Variants in CD84 observed in about 807,000 individuals in gnomAD.
CD84 encodes CD84 molecule, also known as SLAM family member 5.
In CD84, 22 loss-of-function variants were observed where a neutral mutation model predicts 33.8. The observed-to-expected ratio is 0.65, with a 90% confidence interval of 0.46 to 0.93. The LOEUF (loss-of-function observed/expected upper bound fraction) is 0.93, where lower values mean the gene tolerates loss of function less well. Ranked by LOEUF, CD84 falls within the 40% of genes least tolerant of loss-of-function variation. CD84 has a pLI of 0.00. For synonymous variants in CD84, 154 were observed against 145.2 expected, an observed-to-expected ratio of 1.06 and a Z score of -0.44; for missense variants, 400 against 397.6, an observed-to-expected ratio of 1.01 and a Z score of -0.05.
At chr1:160,548,958 T>C (rs1477779167) in intron 6 of CD84, among the ~76,000 whole-genome samples, 1 of 152,200 alleles carries the variant, frequency 6.6e-6, no homozygotes. Context: ...GGCACAAATA[T>C]GCTGGGCACC....
chr1:160,568,532 G>A (rs1482730839), intron 1 of CD84, among the ~76,000 whole-genome samples: 1 of 152,194 alleles, frequency 6.6e-6, no homozygotes, highest in Non-Finnish European at 1.5e-5. Context: ...GCATGCAGTG[G>A]AAAGATAGGG....
chr1:160,548,812 C>A (rs1655994198), intron 6 of CD84, among the ~76,000 whole-genome samples: 1 of 152,042 alleles, frequency 6.6e-6, no homozygotes, highest in African/African-American at 2.4e-5. Flanking sequence ...AAATACTGAC[C>A]CAATAATTGT....
At chr1:160,571,518 T>A (rs1998651) in intron 1 of CD84, 1 of 151,966 alleles carries the variant, frequency 6.6e-6, no homozygotes, top group Non-Finnish European at 1.5e-5. Context: ...GACAACTCGA[T>A]GGAAGGCCAG....
At chr1:160,569,995 A>G (rs553653478) in intron 1 of CD84, among the ~76,000 whole-genome samples, 3 of 152,232 alleles carry the variant, frequency 2.0e-5, no homozygotes, top group Non-Finnish European at 4.4e-5. Flanking sequence ...TGTAGTAATG[A>G]TGTGTGGGGA....
At position 160,565,499 on chromosome 1, in the gene CD84, T is replaced by A; in HGVS notation, c.293A>T (p.Asp98Val). ...GTCTCCTGCGTCTTCCATCCTCAGA[T>A]CGCTAATGACCAGATTGTAGTTCGG... ...LGPNYNLVIS[D>V]LRMEDAGDYK... Residue 98 changes from aspartate (D) to valine (V), a missense_variant, in exon 2 of 7, where the codon GAT becomes GTT. Asp to Val is a radical substitution (Grantham distance 152). Coordinates refer to ENST00000368054, the MANE Select transcript of CD84 (RefSeq NM_003874.4). 1.2e-6 allele frequency: 2 copies of A among 1,613,974 alleles called. No homozygotes were observed. The highest frequency in any genetic ancestry group is 1.7e-6 in the Non-Finnish European group (2 of 1,179,888).
chr1:160,559,849 G>A (rs1656838741), intron 2 of CD84, among the ~76,000 whole-genome samples: 2 of 151,898 alleles, frequency 1.3e-5, no homozygotes, highest in South Asian at 4.2e-4. Context: ...TGACAAAATA[G>A]ACTTTAAAGC....
chr1:160,551,060 C>A, intron 4 of CD84, 25 bp from the exon 5 acceptor site: 1 of 1,552,912 alleles, frequency 6.4e-7, no homozygotes, highest in Non-Finnish European at 8.9e-7. Flanking sequence ...AATATAGACC[C>A]ACAGTCTGTG....
intron 1 of CD84, among the ~76,000 whole-genome samples, chr1:160,578,880 T>C (rs1050527206): frequency 3.9e-5 from 6 of 152,182 alleles, no homozygotes; most frequent in African/African-American, 9.6e-5. Context: ...AGCAGAGTAA[T>C]AGCTCTGTGT....
chr1:160,564,295 G>A (rs954096645), intron 2 of CD84, among the ~76,000 whole-genome samples: 1 of 152,204 alleles, frequency 6.6e-6, no homozygotes, highest in Non-Finnish European at 1.5e-5. Context: ...AAATGCTAGT[G>A]AGGATGTAGA....
Position 160,545,656 on chromosome 1 carries a change from G to A in CD84, c.*2600C>T, listed in dbSNP as rs1210179275. On this transcript the variant is annotated 3_prime_UTR_variant, in exon 7 of 7. Coordinates refer to ENST00000368054, the MANE Select transcript of CD84 (RefSeq NM_003874.4). ...TTTTATTTTTATTTTTTGAGACATG[G>A]TCTCACTCTGTTGCCCAGCCTGGAG... 1 of 152,096 alleles carries A rather than the reference G, an allele frequency of 6.6e-6. No individual in the cohort carries two copies. The highest frequency in any genetic ancestry group is 1.5e-5 in the Non-Finnish European group (1 of 68,064). The allele number at this position is 152,096 out of a possible 1,614,324, so 9.4% of individuals were successfully genotyped here.
At chr1:160,555,775 AG>A (rs1433208303) in intron 2 of CD84, among the ~76,000 whole-genome samples, 2 of 152,238 alleles carry the variant, frequency 1.3e-5, no homozygotes, top group Non-Finnish European at 2.9e-5. Flanking sequence ...ACAACTAGAA[AG>A]GCAATAAATT....
At chr1:160,556,951 A>G (rs1480818096) in intron 2 of CD84, among the ~76,000 whole-genome samples, 1 of 152,220 alleles carries the variant, frequency 6.6e-6, no homozygotes, top group South Asian at 2.1e-4. Context: ...ACATTTGGGT[A>G]TGGCTCTTTG....
chr1:160,551,415 T>C, intron 4 of CD84: 1 of 235,762 alleles, frequency 4.2e-6, no homozygotes, highest in Non-Finnish European at 8.3e-6. Context: ...TTTAACTTGA[T>C]TGATTCTTTC....
Position 160,544,340 on chromosome 1 carries a change from C to A in CD84, c.*3916G>T, listed in dbSNP as rs1464212854. The A allele has an allele frequency of 6.6e-6, 1 of 151,790 alleles. No homozygotes were observed. The highest frequency in any genetic ancestry group is 6.6e-5 in the Admixed American group (1 of 15,222). 9.4% of individuals were successfully genotyped at this position (151,790 alleles called of 1,614,324 possible). ...AATTTTTTTGTATTTTTAGTAGAGA[C>A]GCGGTTTCACAACCTTGGCCAGGCT... is the stretch of plus-strand genomic sequence containing the variant. On this transcript the variant is annotated 3_prime_UTR_variant, in exon 7 of 7. Transcript: ENST00000368054.
chr1:160,552,486 C>T (rs1021513612), intron 4 of CD84, among the ~76,000 whole-genome samples: 11 of 152,170 alleles, frequency 7.2e-5, no homozygotes, highest in African/African-American at 2.4e-4. Context: ...ATTTAATCTA[C>T]TTAATAAGTA....
intron 1 of CD84, among the ~76,000 whole-genome samples, chr1:160,579,132 G>A (rs547333880): frequency 6.6e-6 from 1 of 152,110 alleles, no homozygotes; most frequent in Non-Finnish European, 1.5e-5. Context: ...AGAAGGATTT[G>A]CCTCAGACCT....
In CD84 at chr1:160,541,788, A is replaced by C. The variant is rs1338086313; in HGVS notation, c.*6468T>G. 2.0e-5 allele frequency: 3 copies of C among 152,152 alleles called. No individual in the cohort carries two copies. Among genetic ancestry groups the C allele is most frequent in the Non-Finnish European group, 4.4e-5 (3 of 68,038 alleles). 9.4% of individuals were successfully genotyped at this position (152,152 alleles called of 1,614,324 possible). ...TAAGGAGTGTGGTTCCCCAGGAAAA[A>C]CATTTTAGTGTGGAAGTGAAGTGAT... is the stretch of plus-strand genomic sequence containing the variant. On this transcript the variant is annotated 3_prime_UTR_variant, in exon 7 of 7. Transcript: ENST00000368054.
chr1:160,566,211 T>C (rs1400874490), intron 1 of CD84, among the ~76,000 whole-genome samples: 1 of 152,200 alleles, frequency 6.6e-6, no homozygotes, highest in East Asian at 1.9e-4. Flanking sequence ...AAGTAACACT[T>C]TTGTCTCTTT....
intron 1 of CD84, among the ~76,000 whole-genome samples, chr1:160,573,126 T>G (rs1280256582): frequency 6.6e-6 from 1 of 151,986 alleles, no homozygotes; most frequent in Admixed American, 6.6e-5. Context: ...ATAGGGATCG[T>G]GAGAAAAAGA....
Sources: gnomAD v4.1 joint callset for allele counts (sites outside exome capture counted in the v4.1 genomes callset) on GRCh38, gnomAD v4.1.1 for gene constraint, MANE v1.5 for transcripts, NCBI Gene and HGNC (gene_info 2026-07-23, HGNC 2026-07-21) for gene names.